The following LANCL3 variants were observed in gnomAD, a reference collection of about 807,000 sequenced individuals.
The protein encoded by LANCL3 is lanC-like protein 3.
LANCL3 carries 19 observed loss-of-function variants against 26.5 expected under a neutral mutation model. The observed-to-expected ratio is 0.72, with a 90% CI of 0.50 to 1.05. The LOEUF (loss-of-function observed/expected upper bound fraction) is 1.05. Ranked by LOEUF, LANCL3 falls within the 50% of genes least tolerant of loss-of-function variation. The probability of loss-of-function intolerance (pLI) is 0.00; values close to 1 mark genes in which losing one functional copy is unlikely to be tolerated. For synonymous variants in LANCL3, 160 were observed against 166.6 expected (o/e 0.96, Z 0.30); for missense variants, 318 against 362.7 (o/e 0.88, Z 1.00).
chrX:37,655,825 T>A lies in LANCL3; in HGVS notation c.697+14T>A. 1 of 1,199,659 alleles carries A rather than the reference T, an allele frequency of 8.3e-7. No individual in the cohort carries two copies. The highest frequency in any genetic ancestry group is 1.1e-6 in the Non-Finnish European group (1 of 887,127). On this transcript the variant is annotated intron_variant, in intron 2 of 4. Transcript: ENST00000378619. ...CCGAATACTTGGGTAAGTGAAGGTG[T>A]TTGCATGGGCCTGTAGGAAGGAGAA...
chrX:37,651,393 T>C (rs1926139602), intron 1 of LANCL3, among the ~76,000 whole-genome samples: 1 of 112,286 alleles, frequency 8.9e-6, no homozygotes, highest in Non-Finnish European at 1.9e-5. Flanking sequence ...TGCAGTTAAA[T>C]TTGTTTCATT....
intron 1 of LANCL3, among the ~76,000 whole-genome samples, chrX:37,598,983 T>G (rs1396427924): frequency 8.9e-6 from 1 of 112,478 alleles, no homozygotes; most frequent in Non-Finnish European, 1.9e-5. Flanking sequence ...ATGTTAAGAT[T>G]TTTTTAAAAA....
At chrX:37,644,998 A>G (rs1225537148) in intron 1 of LANCL3, among the ~76,000 whole-genome samples, 1 of 112,114 alleles carries the variant, frequency 8.9e-6, no homozygotes, top group African/African-American at 3.2e-5. Flanking sequence ...CTGAGGAGAT[A>G]GGTGGGGCAA....
At chrX:37,618,786 A>G (rs969245327) in intron 1 of LANCL3, among the ~76,000 whole-genome samples, 4 of 112,003 alleles carry the variant, frequency 3.6e-5, no homozygotes, top group African/African-American at 1.3e-4. Flanking sequence ...TAACTTGATC[A>G]TCTGTTTTCG....
chrX:37,634,196 T>C (rs868978984), intron 1 of LANCL3, among the ~76,000 whole-genome samples: 3 of 112,499 alleles, frequency 2.7e-5, no homozygotes, highest in Middle Eastern at 9.2e-3. Context: ...ACTGCTGTGC[T>C]AGCAATCAGC....
Position 37,677,272 on chromosome X carries a change from T to A in LANCL3, c.*1459T>A, listed in dbSNP as rs1926838522. The A allele has an allele frequency of 9.1e-6, 1 of 110,191 alleles. No individual in the cohort carries two copies. Among genetic ancestry groups the A allele is most frequent in the Admixed American group, 9.7e-5 (1 of 10,283 alleles). The allele number at this position is 110,191 out of a possible 1,213,427, so 9.1% of individuals were successfully genotyped here. On this transcript the variant is annotated 3_prime_UTR_variant, in exon 5 of 5. Coordinates refer to ENST00000378619, the MANE Select transcript of LANCL3 (RefSeq NM_001170331.2). Reference sequence around the variant, plus strand: ...GACTTTGGAACGAGTTAGGGAATGCTCTGTTGCCTAAAAAGCAAACCTACA... The same window carrying A: ...GACTTTGGAACGAGTTAGGGAATGCACTGTTGCCTAAAAAGCAAACCTACA...
chrX:37,670,582 A>C (rs1389979276), intron 4 of LANCL3, among the ~76,000 whole-genome samples: 2 of 111,081 alleles, frequency 1.8e-5, no homozygotes, highest in African/African-American at 6.5e-5. Flanking sequence ...AGTTACCCCC[A>C]TGATTTGAAA....
chrX:37,639,101 A>G (rs1925790698), intron 1 of LANCL3, among the ~76,000 whole-genome samples: 1 of 107,026 alleles, frequency 9.3e-6, no homozygotes, highest in South Asian at 4.5e-4. Flanking sequence ...ACATATTCTT[A>G]TACAAATGGG....
At chrX:37,627,558 T>C (rs1196168780) in intron 1 of LANCL3, among the ~76,000 whole-genome samples, 1 of 111,755 alleles carries the variant, frequency 8.9e-6, no homozygotes, top group East Asian at 2.8e-4. Flanking sequence ...GCACACCTAC[T>C]GACTCTGTAC....
intron 1 of LANCL3, among the ~76,000 whole-genome samples, chrX:37,631,940 G>A (rs1302692076): frequency 1.8e-5 from 2 of 110,797 alleles, no homozygotes; most frequent in Admixed American, 9.6e-5. Context: ...TTGATTTGGG[G>A]TGGAGAGTTC....
intron 2 of LANCL3, among the ~76,000 whole-genome samples, chrX:37,657,406 A>G (rs902925999): frequency 4.5e-5 from 5 of 111,733 alleles, no homozygotes. Context: ...TCTGTCACCC[A>G]GGCTGGAGTG....
intron 1 of LANCL3, among the ~76,000 whole-genome samples, chrX:37,617,134 G>C (rs1243501971): frequency 9.1e-6 from 1 of 109,936 alleles, no homozygotes; most frequent in Non-Finnish European, 1.9e-5. Context: ...GGGGGAGGGA[G>C]AGAGAGAGAG....
intron 1 of LANCL3, among the ~76,000 whole-genome samples, chrX:37,635,776 T>A (rs1453113650): frequency 9.0e-6 from 1 of 111,092 alleles, no homozygotes; most frequent in East Asian, 2.8e-4. Flanking sequence ...CATCACTATG[T>A]ACCCTATGAA....
At chrX:37,589,218 T>C (rs1924201061) in intron 1 of LANCL3, among the ~76,000 whole-genome samples, 1 of 112,244 alleles carries the variant, frequency 8.9e-6, no homozygotes, top group Non-Finnish European at 1.9e-5. Flanking sequence ...TGAAATAGTC[T>C]GGACTCTCAA....
At chrX:37,588,518 T>C (rs1924175119) in intron 1 of LANCL3, among the ~76,000 whole-genome samples, 1 of 111,939 alleles carries the variant, frequency 8.9e-6, no homozygotes, top group Admixed American at 9.4e-5. Context: ...CTAATTATTT[T>C]CTTTATGGTT....
At chrX:37,619,767 C>T (rs1259814678) in intron 1 of LANCL3, among the ~76,000 whole-genome samples, 1 of 112,034 alleles carries the variant, frequency 8.9e-6, no homozygotes, top group African/African-American at 3.2e-5. Flanking sequence ...AATGTTAAGA[C>T]TGTTTCCTCT....
At chrX:37,658,932 G>T (rs137934049) in intron 2 of LANCL3, among the ~76,000 whole-genome samples, 1,388 of 112,620 alleles carry the variant, frequency 0.012, 11 homozygotes, top group African/African-American at 0.043. Flanking sequence ...ACAGTATCTT[G>T]TACAGAGTAG....
At chrX:37,625,921 G>A (rs1443190649) in intron 1 of LANCL3, among the ~76,000 whole-genome samples, 3 of 111,482 alleles carry the variant, frequency 2.7e-5, no homozygotes, top group Non-Finnish European at 5.6e-5. Flanking sequence ...CAGGCTGTAT[G>A]CAGGGTTCAA....
At chrX:37,604,629 G>A (rs1346240546) in intron 1 of LANCL3, among the ~76,000 whole-genome samples, 1 of 112,006 alleles carries the variant, frequency 8.9e-6, no homozygotes, top group Non-Finnish European at 1.9e-5. Context: ...TCACTTATAC[G>A]TTTTTCAGCT....
Sources: gnomAD v4.1 joint callset for allele counts (sites outside exome capture counted in the v4.1 genomes callset) on GRCh38, gnomAD v4.1.1 for gene constraint, MANE v1.5 for transcripts, NCBI Gene and HGNC (gene_info 2026-07-23, HGNC 2026-07-21) for gene names.